HGD: variants seen among roughly 807,000 people sequenced by gnomAD.
The protein encoded by HGD is homogentisate 1,2-dioxygenase.
In HGD, 61 loss-of-function variants were observed where a neutral mutation model predicts 60.8. The ratio of observed to expected loss-of-function variants is 1.00; its 90% CI spans 0.82 to 1.24. The LOEUF is 1.24. HGD is among the 50% of genes most tolerant of loss of function. HGD has a pLI of 0.00. For missense variants in HGD, 542 were observed against 547.1 expected, an observed-to-expected ratio of 0.99 and a Z score of 0.09; for synonymous variants, 212 against 187.7, an observed-to-expected ratio of 1.13 and a Z score of -1.06.
chr3:120,671,322 C>T (rs1708020783), intron 3 of HGD, among the ~76,000 whole-genome samples: 1 of 152,074 alleles, frequency 6.6e-6, no homozygotes, highest in African/African-American at 2.4e-5. Context: ...AATAGTATCT[C>T]ATTTTATTTT....
chr3:120,658,229 G>A (rs1226026687), intron 4 of HGD, among the ~76,000 whole-genome samples: 1 of 152,144 alleles, frequency 6.6e-6, no homozygotes, highest in African/African-American at 2.4e-5. Context: ...TTCCACCTAT[G>A]AGCCTGTAAA....
chr3:120,670,116 G>T (rs1365540894), intron 4 of HGD, among the ~76,000 whole-genome samples: 1 of 152,144 alleles, frequency 6.6e-6, no homozygotes, highest in Non-Finnish European at 1.5e-5. Flanking sequence ...GCCATATGAA[G>T]AAGGATGTGT....
chr3:120,671,250 C>T (rs1708019932), intron 3 of HGD, among the ~76,000 whole-genome samples: 1 of 152,078 alleles, frequency 6.6e-6, no homozygotes, highest in African/African-American at 2.4e-5. Flanking sequence ...GTGAGAGTGC[C>T]TGGTCACCCA....
At chr3:120,666,666 G>C (rs911267874) in intron 4 of HGD, among the ~76,000 whole-genome samples, 1 of 151,986 alleles carries the variant, frequency 6.6e-6, no homozygotes, top group Non-Finnish European at 1.5e-5. Context: ...ATTTTTAGTA[G>C]AGATGGTGTT....
chr3:120,649,614 G>C (rs1457988907), intron 6 of HGD, among the ~76,000 whole-genome samples: 1 of 152,142 alleles, frequency 6.6e-6, no homozygotes, highest in Non-Finnish European at 1.5e-5. Context: ...GCATAAATGA[G>C]AGACTGAGCT....
rs541268108 is a variant in HGD at position 120,674,936 on chromosome 3, C to T, written c.141G>A (p.Ser47=). 3.3e-4 allele frequency: 526 copies of T among 1,611,916 alleles called. 1 individual carries two copies. The highest frequency in any genetic ancestry group is 4.2e-4 in the Non-Finnish European group (489 of 1,178,302). The change falls in exon 3 of 14, where the codon TCG becomes TCA. Residue 47 remains serine, a synonymous_variant. Coordinates refer to ENST00000283871, the MANE Select transcript of HGD (RefSeq NM_000187.4). ...TGGTGCTCCGTGGACAAGTGAAAGC[C>T]GATCCTGAGAGCTGCTCAGCATAGA... is the stretch of plus-strand genomic sequence containing the variant. ...YNLYAEQLSG[S]AFTCPRSTNK... is the part of the protein sequence containing the mutation.
At chr3:120,644,068 C>G (rs1203460692) in intron 10 of HGD, among the ~76,000 whole-genome samples, 2 of 152,142 alleles carry the variant, frequency 1.3e-5, no homozygotes, top group Non-Finnish European at 2.9e-5. Flanking sequence ...CCTTTGGAGT[C>G]AGACAGATAT....
chr3:120,659,964 G>A (rs1941613617), intron 4 of HGD, among the ~76,000 whole-genome samples: 1 of 151,744 alleles, frequency 6.6e-6, no homozygotes, highest in African/African-American at 2.4e-5. Context: ...TGCATAATGG[G>A]GGTGGATTTC....
At chr3:120,655,214 T>G (rs1576303096) in intron 4 of HGD, among the ~76,000 whole-genome samples, 1 of 152,204 alleles carries the variant, frequency 6.6e-6, no homozygotes, top group African/African-American at 2.4e-5. Context: ...GACTGATGGG[T>G]TGACCAGGTC....
chr3:120,633,438 TA>T, intron 12 of HGD, 110 bp from the exon 13 acceptor site: 1 of 1,594,872 alleles, frequency 6.3e-7, no homozygotes, highest in East Asian at 2.2e-5. Flanking sequence ...GAGAAACTAG[TA>T]AATTGTATAG....
At chr3:120,630,929 C>T (rs1940575234) in intron 13 of HGD, among the ~76,000 whole-genome samples, 1 of 150,766 alleles carries the variant, frequency 6.6e-6, no homozygotes, top group South Asian at 2.1e-4. Flanking sequence ...ATGTGTTTCT[C>T]AGGAACACGA....
intron 4 of HGD, 102 bp downstream of exon 4, chr3:120,670,325 A>T: frequency 1.3e-6 from 1 of 764,794 alleles, no homozygotes. Context: ...ATAATACTTT[A>T]AAAAACTATC....
chr3:120,641,644 T>A lies in HGD; in HGVS notation c.824A>T (p.Tyr275Phe). The A allele has an allele frequency of 6.2e-7, 1 of 1,614,060 alleles. No individual in the cohort carries two copies. The highest frequency in any genetic ancestry group is 8.5e-7 in the Non-Finnish European group (1 of 1,179,918). The change falls in exon 11 of 14, where the codon TAC (tyrosine) becomes TTC (phenylalanine). Residue 275 changes from tyrosine to phenylalanine, a missense_variant. Around this residue, in one of 2 missense-constraint regions of HGD, gnomAD observed 537 missense variants for 529.1 expected, o/e 1.01. Transcript: ENST00000283871. ...CATGAAATTCTTCAGGTTGTACTTG[T>A]AGGGTGTATAATTCCCGTGCCAGGC... ...VVAWHGNYTP[Y>F]KYNLKNFMVI...
rs778619933 is a variant in HGD at position 120,682,153 on chromosome 3, C to T, written c.-42G>A. On this transcript the variant is annotated 5_prime_UTR_variant, in exon 1 of 14. Coordinates refer to ENST00000283871, the MANE Select transcript of HGD (RefSeq NM_000187.4). ...GTGTGGTGACTTCAGGAAACCCAGG[C>T]CCAGAGGATATAAAGCCACAATGCT... The T allele has an allele frequency of 3.7e-6, 6 of 1,604,424 alleles. No homozygotes were observed. In the African/African-American group the frequency reaches 8.0e-5, roughly 21 times the overall value.
chr3:120,659,194 C>A (rs565501432), intron 4 of HGD, among the ~76,000 whole-genome samples: 22 of 152,336 alleles, frequency 1.4e-4, no homozygotes, highest in Non-Finnish European at 2.9e-4. Context: ...AATTTCCTAA[C>A]TTTTACACTC....
At position 120,638,356 on chromosome 3, in the gene HGD, G is replaced by C. The variant is rs1940848745; in HGVS notation, c.1006+99C>G. On this transcript the variant is annotated intron_variant, in intron 12 of 13. Transcript: ENST00000283871. Reference sequence around the variant, plus strand: ...GGATCCTGAATTCATGCCATGGTGGGTGTCCAGAAATAACCCAGGCATTAT... The same window carrying C: ...GGATCCTGAATTCATGCCATGGTGGCTGTCCAGAAATAACCCAGGCATTAT... 3 of 1,407,026 alleles carry C rather than the reference G, an allele frequency of 2.1e-6. No individual in the cohort carries two copies. In the East Asian group the frequency reaches 6.9e-5, roughly 32 times the overall value. The allele number at this position is 1,407,026 out of a possible 1,614,324, so 87.2% of individuals were successfully genotyped here. A position where few individuals can be genotyped will look rare whatever the true frequency, so the allele number is the denominator to read the frequency against.
chr3:120,680,322 A>C lies in HGD; in HGVS notation c.15+1775T>G, dbSNP rs149111412. ...AAAAATTATATAATGTTTATTGATT[A>C]GAATGAATATGATGCAATCTGGTTT... On this transcript the variant is annotated intron_variant, in intron 1 of 13. Coordinates refer to ENST00000283871, the MANE Select transcript of HGD (RefSeq NM_000187.4). Among the ~76,000 whole-genome samples the C allele has an allele frequency of 4.3e-3, 661 of 152,348 alleles. 7 individuals are homozygous for C. The highest frequency in any genetic ancestry group is 0.015 in the African/African-American group (631 of 41,572).
chr3:120,637,307 G>GAAAA (rs63466560), intron 12 of HGD, among the ~76,000 whole-genome samples: 4 of 113,752 alleles, frequency 3.5e-5, no homozygotes, highest in Admixed American at 1.9e-4. Flanking sequence ...TTAATTTTCT[G>GAAAA]AAAAAAAAAA....
intron 13 of HGD, among the ~76,000 whole-genome samples, chr3:120,631,992 C>T (rs1047098073): frequency 1.3e-5 from 2 of 152,198 alleles, no homozygotes; most frequent in African/African-American, 4.8e-5. Flanking sequence ...TCTAGAATAG[C>T]CTCCAGGACT....
Sources: gnomAD v4.1 joint callset for allele counts (sites outside exome capture counted in the v4.1 genomes callset) on GRCh38, gnomAD v4.1.1 for gene constraint, gnomAD v4.1.1 regional missense constraint, MANE v1.5 for transcripts, NCBI Gene and HGNC (gene_info 2026-07-23, HGNC 2026-07-21) for gene names.